ERICH1: variants seen among roughly 807,000 people sequenced by gnomAD.
The protein encoded by ERICH1 is glutamate-rich protein 1.
Under a neutral mutation model 39.6 loss-of-function variants are expected in ERICH1, and 56 were observed. That is an observed-to-expected ratio of 1.41 (90% CI 1.14 to 1.77). The LOEUF (loss-of-function observed/expected upper bound fraction) is 1.77, where lower values mean the gene tolerates loss of function less well. Ranked by LOEUF, ERICH1 falls within the 40% of genes most tolerant of loss-of-function variation. The pLI, the probability that ERICH1 is intolerant of heterozygous loss-of-function variation, is 0.00. For missense variants in ERICH1, 826 were observed against 575.4 expected, an observed-to-expected ratio of 1.44 and a Z score of -4.45; for synonymous variants, 313 against 223.6, an observed-to-expected ratio of 1.40 and a Z score of -3.57.
At chr8:665,783 G>A (rs1585126731) in intron 5 of ERICH1, among the ~76,000 whole-genome samples, 1 of 152,204 alleles carries the variant, frequency 6.6e-6, no homozygotes, top group South Asian at 2.1e-4. Context: ...AAAAGTAACT[G>A]CTGAGCCAGA....
At chr8:615,607 T>C (rs1418341565) in intron 3 of ERICH1, 2 of 238,476 alleles carry the variant, frequency 8.4e-6, no homozygotes, top group Non-Finnish European at 8.0e-6. Flanking sequence ...ATCCCTGATC[T>C]GCCCAGGGGA....
intron 3 of ERICH1, chr8:626,983 C>G (rs1350919521): frequency 5.1e-6 from 2 of 393,642 alleles, no homozygotes; most frequent in Non-Finnish European, 1.1e-5. Flanking sequence ...GAGGAAAGCA[C>G]AGCTTGGCCT....
intron 2 of ERICH1, among the ~76,000 whole-genome samples, chr8:714,711 G>A: frequency 1.5e-5 from 1 of 65,298 alleles, no homozygotes; most frequent in African/African-American, 6.0e-5. Context: ...ATCTCTCGGT[G>A]GGATGTGCTG....
chr8:658,939 G>A (rs933092967), intron 3 of ERICH1, among the ~76,000 whole-genome samples: 2 of 152,190 alleles, frequency 1.3e-5, no homozygotes, highest in African/African-American at 4.8e-5. Flanking sequence ...CCAGGCTCTG[G>A]ATTTCAGGAG....
At chr8:631,602 G>A (rs1470298711) in intron 3 of ERICH1, among the ~76,000 whole-genome samples, 1 of 152,156 alleles carries the variant, frequency 6.6e-6, no homozygotes, top group Non-Finnish European at 1.5e-5. Flanking sequence ...CAGGGAGTGG[G>A]GGCAATGCCG....
intron 1 of ERICH1, among the ~76,000 whole-genome samples, chr8:717,941 G>A (rs1816409527): frequency 6.6e-6 from 1 of 152,254 alleles, no homozygotes; most frequent in Non-Finnish European, 1.5e-5. Flanking sequence ...CTGGGCCCAA[G>A]CAAGCATCAG....
rs771857193 is a variant in ERICH1 at position 668,623 on chromosome 8, GA to G, written c.1232del (p.Phe411SerfsTer14). 6 of 1,614,080 alleles carry G rather than the reference GA, an allele frequency of 3.7e-6. No individual in the cohort carries two copies. Among genetic ancestry groups the G allele is most frequent in the Non-Finnish European group, 4.2e-6 (5 of 1,180,048 alleles). On this transcript the variant is annotated frameshift_variant, in exon 5 of 6. Coordinates refer to ENST00000262109, the MANE Select transcript of ERICH1 (RefSeq NM_207332.3). LOFTEE classifies it high-confidence loss of function. ...CAGGAGGCATCGTGCAATGTTCTGG[GA>G]ACATTTCCAGAGCATGCTTCAATCT... Reference protein sequence around the residue: ...TERLKHALEMFPEHCTMPPDH... With the variant: ...TERLKHALEMXPEHCTMPPDH...
intron 2 of ERICH1, among the ~76,000 whole-genome samples, chr8:701,165 G>A (rs971514535): frequency 3.9e-5 from 6 of 152,268 alleles, no homozygotes; most frequent in Non-Finnish European, 7.3e-5. Context: ...CCAGGTGGAC[G>A]GGTCTGCCCC....
intron 5 of ERICH1, among the ~76,000 whole-genome samples, chr8:665,597 A>G (rs4448252): frequency 0.9 from 137,474 of 152,050 alleles, 62,247 homozygotes; most frequent in South Asian, 0.95. Flanking sequence ...CCATACAGAG[A>G]ATTAGAGGAG....
At chr8:634,595 C>T (rs1347041788) in intron 3 of ERICH1, among the ~76,000 whole-genome samples, 1 of 152,164 alleles carries the variant, frequency 6.6e-6, no homozygotes, top group African/African-American at 2.4e-5. Flanking sequence ...AAGCACAGTG[C>T]CATGCGTGCA....
intron 3 of ERICH1, among the ~76,000 whole-genome samples, chr8:687,443 A>C (rs1482127300): frequency 6.6e-6 from 1 of 152,258 alleles, no homozygotes; most frequent in Non-Finnish European, 1.5e-5. Context: ...CTTTGCAATA[A>C]GCCCAGACGG....
chr8:672,748 CCTTAT>C (rs1192184065), intron 4 of ERICH1, among the ~76,000 whole-genome samples: 5 of 152,314 alleles, frequency 3.3e-5, no homozygotes, highest in African/African-American at 1.2e-4. Context: ...TGTTTATTTT[CCTTAT>C]CTTATGTCAG....
rs1563319432 is a variant in ERICH1, at chr8:708,686, T to TTTTTTGTTTTG, written c.169+7174_169+7175insCAAAACAAAAA. On this transcript the variant is annotated intron_variant, in intron 2 of 5. Coordinates refer to ENST00000262109, the MANE Select transcript of ERICH1 (RefSeq NM_207332.3). Reference sequence around the variant, plus strand: ...GAGTGGTTACGGGATAATGAGTTTTTTTTTTTTTTTTTTTTTTTTTTTTTT... The same window carrying TTTTTTGTTTTG: ...GAGTGGTTACGGGATAATGAGTTTTTTTTTTGTTTTGTTTTTTTTTTTTTTTTTTTTTTTTT... Among the ~76,000 whole-genome samples, 41 of 48,978 alleles carry TTTTTTGTTTTG rather than the reference T, an allele frequency of 8.4e-4. 2 individuals carry two copies. Among genetic ancestry groups the TTTTTTGTTTTG allele is most frequent in the Non-Finnish European group, 1.5e-3 (34 of 22,682 alleles). 32.1% of individuals were successfully genotyped at this position (48,978 alleles called of 152,430 possible). A position where few individuals can be genotyped will look rare whatever the true frequency, so the allele number is the denominator to read the frequency against.
At chr8:661,140 G>C (rs1393143173), downstream of ERICH1, among the ~76,000 whole-genome samples, 2 of 152,182 alleles carry the variant, frequency 1.3e-5, no homozygotes, top group African/African-American at 4.8e-5. Context: ...AGGCGGGGCA[G>C]ATGCATGCAC....
chr8:628,926 G>T (rs1416441975), intron 3 of ERICH1, among the ~76,000 whole-genome samples: 1 of 152,112 alleles, frequency 6.6e-6, no homozygotes, highest in African/African-American at 2.4e-5. Context: ...GACCACCCCA[G>T]CTCAAGGTCA....
intron 3 of ERICH1, among the ~76,000 whole-genome samples, chr8:677,611 G>T (rs1283829499): frequency 1.3e-5 from 2 of 152,160 alleles, no homozygotes; most frequent in Non-Finnish European, 2.9e-5. Context: ...AGCAGCCTCT[G>T]GGTCTGCCCT....
chr8:715,803 T>C lies in ERICH1; in HGVS notation c.169+58A>G, dbSNP rs749059627. The C allele has an allele frequency of 4.5e-6, 7 of 1,560,820 alleles. No homozygotes were observed. In the Admixed American group the frequency reaches 5.7e-5, roughly 13 times the overall value. Reference sequence around the variant, plus strand: ...AAGACACATTCTCCAAGGCAAGTGATGATGACGGAGGTTAACTTCAGTTTC... The same window carrying C: ...AAGACACATTCTCCAAGGCAAGTGACGATGACGGAGGTTAACTTCAGTTTC... On this transcript the variant is annotated intron_variant, in intron 2 of 5. Coordinates refer to ENST00000262109, the MANE Select transcript of ERICH1 (RefSeq NM_207332.3).
At chr8:643,605 G>A (rs1006066649) in intron 3 of ERICH1, among the ~76,000 whole-genome samples, 4 of 149,894 alleles carry the variant, frequency 2.7e-5, no homozygotes, top group Non-Finnish European at 4.4e-5. Context: ...CCACATTCCC[G>A]CCAAGTCTGC....
At chr8:670,659 C>G (rs1803096929) in intron 4 of ERICH1, among the ~76,000 whole-genome samples, 2 of 152,194 alleles carry the variant, frequency 1.3e-5, no homozygotes, top group African/African-American at 4.8e-5. Flanking sequence ...CGGAGGCTCT[C>G]TGTGTGGCTT....
Sources: gnomAD v4.1 joint callset for allele counts (sites outside exome capture counted in the v4.1 genomes callset) on GRCh38, gnomAD v4.1.1 for gene constraint, MANE v1.5 for transcripts, NCBI Gene and HGNC (gene_info 2026-07-23, HGNC 2026-07-21) for gene names.